TECPR1: variants seen among roughly 807,000 people sequenced by gnomAD.
The protein encoded by TECPR1 is tectonin beta-propeller repeat containing 1.
In TECPR1, 122 loss-of-function variants were observed where a neutral mutation model predicts 162.4. The ratio of observed to expected loss-of-function variants is 0.75; its 90% CI spans 0.65 to 0.87. The LOEUF is 0.87. Ranked by LOEUF, TECPR1 falls within the 40% of genes least tolerant of loss-of-function variation. The pLI, the probability that TECPR1 is intolerant of heterozygous loss-of-function variation, is 0.00. For missense variants in TECPR1, 1,432 were observed against 1,618.2 expected (o/e 0.88, Z 1.97); for synonymous variants, 642 against 670.6 (o/e 0.96, Z 0.66).
chr7:98,229,181 G>C lies in TECPR1; in HGVS notation c.2283-15C>G, dbSNP rs370716856. On this transcript the variant is annotated splice_polypyrimidine_tract_variant and intron_variant, in intron 15 of 25. Coordinates refer to ENST00000447648, the MANE Select transcript of TECPR1 (RefSeq NM_015395.3). ...GCCGCCAAAACCTGGAAGGATGGGA[G>C]AGGGCAGGTGGAAACCCCTCAGACC... 5.8e-6 allele frequency: 9 copies of C among 1,552,846 alleles called. No homozygotes were observed. In the African/African-American group the frequency reaches 6.8e-5, roughly 12 times the overall value.
chr7:98,232,017 A>C lies in TECPR1; in HGVS notation c.1819-58T>G. 1 of 1,530,520 alleles carries C rather than the reference A, an allele frequency of 6.5e-7. No homozygotes were observed. Among genetic ancestry groups the C allele is most frequent in the Middle Eastern group, 2.0e-4 (1 of 4,938 alleles). The allele number at this position is 1,530,520 out of a possible 1,614,324, so 94.8% of individuals were successfully genotyped here. ...GGCAGGCCCGGGGTGCCAGGGGAGG[A>C]GGGCGGGGCTGGGGGTGCCCAGAGG... On this transcript the variant is annotated intron_variant, in intron 12 of 25. Coordinates refer to ENST00000447648, the MANE Select transcript of TECPR1 (RefSeq NM_015395.3). This position sits in a 1 kb window ranked among gnomAD's most constrained non-coding sequence, Gnocchi z 4.6.
intron 8 of TECPR1, among the ~76,000 whole-genome samples, chr7:98,240,250 C>T (rs1417333922): frequency 2.0e-5 from 3 of 152,252 alleles, no homozygotes; most frequent in South Asian, 2.1e-4. Context: ...TCAGGAAATT[C>T]GCTTCCGATT....
intron 17 of TECPR1, among the ~76,000 whole-genome samples, chr7:98,225,567 G>T (rs953572421): frequency 6.6e-6 from 1 of 151,768 alleles, no homozygotes; most frequent in African/African-American, 2.4e-5. Context: ...GGGGAGGGGG[G>T]AAAATTTGGA....
chr7:98,239,641 G>T (rs916007013), intron 8 of TECPR1, among the ~76,000 whole-genome samples: 2 of 152,202 alleles, frequency 1.3e-5, no homozygotes, highest in South Asian at 2.1e-4. Flanking sequence ...CTTGGAAGTT[G>T]TGGTCTCTGG....
intron 17 of TECPR1, chr7:98,226,418 T>A (rs1469094701): frequency 9.1e-6 from 9 of 984,748 alleles, no homozygotes; most frequent in Non-Finnish European, 9.6e-6. Context: ...CTGAGTAAAG[T>A]CAGATACACT....
Position 98,233,624 on chromosome 7 carries a change from AT to A in TECPR1, c.1468del (p.Ile490LeufsTer121). 1 of 1,588,660 alleles carries A rather than the reference AT, an allele frequency of 6.3e-7. No homozygotes were observed. The highest frequency in any genetic ancestry group is 8.6e-7 in the Non-Finnish European group (1 of 1,167,962). ...PTPAELPWTNIDLKEAKKVPS... is the reference protein window; with the variant it reads ...PTPAELPWTNXDLKEAKKVPS... ...CACTTTCTTGGCCTCCTTGAGGTCA[AT>A]ATTGGTCCAGGGCAGCTCGGCCGGG... On this transcript the variant is annotated frameshift_variant, in exon 11 of 26. Transcript: ENST00000447648. LOFTEE classifies it high-confidence loss of function.
chr7:98,249,413 G>A (rs1049479502), intron 2 of TECPR1, among the ~76,000 whole-genome samples: 1 of 152,086 alleles, frequency 6.6e-6, no homozygotes, highest in South Asian at 2.1e-4. Context: ...GGACACCAAG[G>A]CCCGTCAAAC....
intron 19 of TECPR1, among the ~76,000 whole-genome samples, chr7:98,224,259 G>A (rs1237068317): frequency 6.6e-6 from 1 of 152,178 alleles, no homozygotes; most frequent in Non-Finnish European, 1.5e-5. Context: ...GGCTGAGACT[G>A]TGCCGTGAAG....
chr7:98,240,907 C>A lies in TECPR1; in HGVS notation c.877G>T (p.Val293Phe), dbSNP rs1438941765. The A allele has an allele frequency of 6.2e-7, 1 of 1,609,822 alleles. No individual in the cohort carries two copies. The highest frequency in any genetic ancestry group is 2.2e-5 in the East Asian group (1 of 44,850). ...CTGACTCCCACCGAGATGTGCATGA[C>A]CCCGTTTTCAGATCCAGGAGGCTCC... ...IVEPPGSENG[V>F]MHISVGVSVV... Residue 293 changes from valine (V) to phenylalanine (F), a missense_variant, in exon 8 of 26, where the codon GTC (valine) becomes TTC (phenylalanine). Physicochemically the swap from Val to Phe is conservative, Grantham distance 50 (BLOSUM62 -1). Transcript: ENST00000447648.
At chr7:98,243,346 G>A in intron 6 of TECPR1, 121 bp downstream of exon 6, 1 of 1,358,406 alleles carries the variant, frequency 7.4e-7, no homozygotes, top group Non-Finnish European at 9.9e-7. Flanking sequence ...AAGGCCAGGA[G>A]CAGGCATGGG....
In TECPR1 at chr7:98,217,380, TG is replaced by T. The variant is rs768793027; in HGVS notation, c.*9del. The T allele has an allele frequency of 1.8e-5, 28 of 1,517,362 alleles. No homozygotes were observed. The highest frequency in any genetic ancestry group is 1.7e-4 in the Middle Eastern group (1 of 5,790). The allele number at this position is 1,517,362 out of a possible 1,614,324, so 94.0% of individuals were successfully genotyped here. On this transcript the variant is annotated 3_prime_UTR_variant, in exon 26 of 26. Coordinates refer to ENST00000447648, the MANE Select transcript of TECPR1 (RefSeq NM_015395.3). Reference sequence around the variant, plus strand: ...GGCACCGTCCCTGCATGTAGGTGTGTGGGGGGGCCTCAGCAGCAGACGGGGC... The same window carrying T: ...GGCACCGTCCCTGCATGTAGGTGTGTGGGGGGCCTCAGCAGCAGACGGGGC...
chr7:98,223,303 C>T (rs1159247829), intron 20 of TECPR1, 133 bp from the exon 21 acceptor site: 2 of 858,168 alleles, frequency 2.3e-6, no homozygotes, highest in Non-Finnish European at 3.6e-6. Context: ...CAGAGGTGGC[C>T]TCCTCCCCAC....
intron 1 of TECPR1, 126 bp downstream of exon 1, chr7:98,251,999 CT>C: frequency 1.3e-5 from 2 of 152,618 alleles, no homozygotes; most frequent in East Asian, 3.9e-4. Context: ...GCGGTCCCTC[CT>C]TCCTCCCTCC....
In TECPR1 at chr7:98,217,093, A is replaced by C; in HGVS notation, c.*297T>G. 3.2e-6 allele frequency: 1 copy of C among 316,856 alleles called. No homozygotes were observed. The highest frequency in any genetic ancestry group is 4.5e-5 in the Admixed American group (1 of 22,168). 19.6% of individuals were successfully genotyped at this position (316,856 alleles called of 1,614,324 possible). ...TTCCCGGTTCTAGTCCTGGAAAGGC[A>C]GAAGGGAGAGGGGAAGGGAAGGGTG... On this transcript the variant is annotated 3_prime_UTR_variant, in exon 26 of 26. Coordinates refer to ENST00000447648, the MANE Select transcript of TECPR1 (RefSeq NM_015395.3).
intron 2 of TECPR1, among the ~76,000 whole-genome samples, chr7:98,250,306 A>G (rs1484928521): frequency 2.6e-5 from 4 of 151,538 alleles, no homozygotes; most frequent in African/African-American, 9.7e-5. Flanking sequence ...GTCACTTTCT[A>G]TAGTGTTAAA....
intron 5 of TECPR1, among the ~76,000 whole-genome samples, chr7:98,243,918 C>G (rs542520066): frequency 6.6e-6 from 1 of 152,168 alleles, no homozygotes; most frequent in Non-Finnish European, 1.5e-5. Context: ...TAAAAGTTAA[C>G]CGGGCATGGT....
chr7:98,248,533 CAAAAAAAAAAAAA>C (rs60387349), intron 2 of TECPR1, among the ~76,000 whole-genome samples: 9 of 9,608 alleles, frequency 9.4e-4, no homozygotes, highest in African/African-American at 2.4e-3. Flanking sequence ...CTGCCACCGG[CAAAAAAAAAAAAA>C]AAAAAAAAAA....
rs769195365 is a variant in TECPR1, at chr7:98,233,423, G to T, written c.1670C>A (p.Ala557Glu). 1.4e-6 allele frequency: 2 copies of T among 1,452,378 alleles called. No individual in the cohort carries two copies. Among genetic ancestry groups the T allele is most frequent in the Non-Finnish European group, 1.8e-6 (2 of 1,101,472 alleles). The allele number at this position is 1,452,378 out of a possible 1,614,324, so 90.0% of individuals were successfully genotyped here. A position where few individuals can be genotyped will look rare whatever the true frequency, so the allele number is the denominator to read the frequency against. The change falls in exon 11 of 26, where the codon GCG (alanine) becomes GAG (glutamate). Residue 557 changes from alanine (A) to glutamate (E), a missense_variant and splice_region_variant. By Grantham distance (107) the Ala-to-Glu change is moderately radical. Coordinates refer to ENST00000447648, the MANE Select transcript of TECPR1 (RefSeq NM_015395.3). ...CAMPRWFTVQAGLSSSVHMLS... is the reference protein window; with the variant it reads ...CAMPRWFTVQEGLSSSVHMLS... Reference sequence around the variant, plus strand: ...CCAGGCCCTGCAGGAGCCCTTACCCGCCTGGACAGTGAACCATCTGGGCAT... The same window carrying T: ...CCAGGCCCTGCAGGAGCCCTTACCCTCCTGGACAGTGAACCATCTGGGCAT...
At chr7:98,250,408 G>A (rs369587248) in intron 2 of TECPR1, among the ~76,000 whole-genome samples, 3 of 151,960 alleles carry the variant, frequency 2.0e-5, no homozygotes, top group Non-Finnish European at 2.9e-5. Flanking sequence ...TGGGAGGATC[G>A]CTTGAGCCGA....
Sources: allele counts gnomAD v4.1 joint callset (sites outside exome capture counted in the v4.1 genomes callset), GRCh38; gene constraint gnomAD v4.1.1; non-coding constraint Gnocchi (gnomAD v3.1); transcripts MANE v1.5; gene names NCBI Gene and HGNC (gene_info 2026-07-23, HGNC 2026-07-21).